HYCC2: variants seen among roughly 807,000 people sequenced by gnomAD.
The protein encoded by HYCC2 is hyccin PI4KA lipid kinase complex subunit 2, also known as hyccin 2.
the HYCC2 span, chr2:201,023,488 T>C: frequency 6.5e-6 from 1 of 154,046 alleles, no homozygotes; most frequent in South Asian, 2.0e-4. Context: ...AAATGGGCCA[T>C]CTTAAATTAA....
chr2:201,038,186 C>T, the HYCC2 span, among the ~76,000 whole-genome samples: 1 of 152,166 alleles, frequency 6.6e-6, no homozygotes, highest in South Asian at 2.1e-4. Context: ...ATCAAAACCA[C>T]AATGAGATAC....
At chr2:200,987,575 T>C in the HYCC2 span, 1 of 1,268,440 alleles carries the variant, frequency 7.9e-7, no homozygotes, top group Non-Finnish European at 1.0e-6. Flanking sequence ...TATGCTGCTC[T>C]ATTATTTTCT....
chr2:201,062,957 G>A, the HYCC2 span: 1 of 1,101,870 alleles, frequency 9.1e-7, no homozygotes, highest in Admixed American at 1.9e-5. Flanking sequence ...TACTACTGCT[G>A]CTGCTGCTGC....
At chr2:201,038,976 G>T in the HYCC2 span, among the ~76,000 whole-genome samples, 79 of 151,406 alleles carry the variant, frequency 5.2e-4, no homozygotes, top group Non-Finnish European at 9.4e-4. Context: ...GTCTTCCACA[G>T]AACCACATGC....
the HYCC2 span, among the ~76,000 whole-genome samples, chr2:201,045,875 C>A: frequency 6.5e-3 from 991 of 152,274 alleles, 8 homozygotes; most frequent in Non-Finnish European, 9.0e-3. Context: ...TGGAGCCTCA[C>A]TTGCATTATT....
the HYCC2 span, among the ~76,000 whole-genome samples, chr2:201,070,586 A>C: frequency 6.6e-6 from 1 of 152,046 alleles, no homozygotes; most frequent in Non-Finnish European, 1.5e-5. Flanking sequence ...CGGGAGGCGA[A>C]GGTTGCTGTG....
chr2:201,067,109 C>G, the HYCC2 span: 1 of 250,874 alleles, frequency 4.0e-6, no homozygotes, highest in South Asian at 5.5e-5. Flanking sequence ...CTGATCAGAC[C>G]TGATGAAGAG....
chr2:201,037,378 T>C, the HYCC2 span, among the ~76,000 whole-genome samples: 66 of 152,264 alleles, frequency 4.3e-4, no homozygotes, highest in African/African-American at 1.3e-3. Context: ...CTTCACAGAA[T>C]TGGAAAAAAC....
the HYCC2 span, among the ~76,000 whole-genome samples, chr2:201,036,866 A>G: frequency 1.3e-5 from 2 of 152,332 alleles, no homozygotes; most frequent in African/African-American, 4.8e-5. Context: ...CACCACTCCT[A>G]TTCAACATAG....
At chr2:200,988,444 T>C in the HYCC2 span, 30 of 1,570,604 alleles carry the variant, frequency 1.9e-5, no homozygotes, top group African/African-American at 3.7e-4. Flanking sequence ...TATAAGTCTA[T>C]ACAAGTTTAC....
the HYCC2 span, among the ~76,000 whole-genome samples, chr2:201,007,772 A>G: frequency 2.4e-3 from 363 of 152,294 alleles, 1 homozygote; most frequent in African/African-American, 8.0e-3. Context: ...ATCAGTCCAC[A>G]TGGAGGCTGA....
the HYCC2 span, among the ~76,000 whole-genome samples, chr2:201,038,258 G>A: frequency 6.6e-6 from 1 of 152,170 alleles, no homozygotes; most frequent in African/African-American, 2.4e-5. Context: ...TACTGGAGAG[G>A]ATGTGGAGAA....
chr2:201,061,549 C>T, the HYCC2 span: 1 of 151,718 alleles, frequency 6.6e-6, no homozygotes, highest in African/African-American at 2.4e-5. Flanking sequence ...GCATATTATA[C>T]AGACTTTTCT....
At chr2:201,008,010 G>A in the HYCC2 span, among the ~76,000 whole-genome samples, 1 of 152,104 alleles carries the variant, frequency 6.6e-6, no homozygotes, top group Non-Finnish European at 1.5e-5. Context: ...GTCTCTTTTG[G>A]CTGATTTTAA....
chr2:201,070,205 A>T, the HYCC2 span, among the ~76,000 whole-genome samples: 1 of 152,194 alleles, frequency 6.6e-6, no homozygotes, highest in Non-Finnish European at 1.5e-5. Context: ...GGAAACAATG[A>T]ATTATAAAAT....
the HYCC2 span, among the ~76,000 whole-genome samples, chr2:201,005,842 A>AT: frequency 3.3e-5 from 5 of 151,918 alleles, no homozygotes; most frequent in African/African-American, 9.7e-5. Flanking sequence ...TTATTTATTT[A>AT]TTTTTTCTGA....
chr2:201,019,627 C>T, the HYCC2 span, among the ~76,000 whole-genome samples: 2 of 151,928 alleles, frequency 1.3e-5, no homozygotes, highest in Non-Finnish European at 2.9e-5. Context: ...GTGGCACGCA[C>T]CTGGGTAGTC....
At chr2:200,979,869 A>T in the HYCC2 span, 2 of 152,666 alleles carry the variant, frequency 1.3e-5, no homozygotes, top group Non-Finnish European at 2.9e-5. Context: ...TTTTTTACCA[A>T]TAATGTTTTT....
At chr2:201,037,988 T>A in the HYCC2 span, among the ~76,000 whole-genome samples, 42,476 of 151,848 alleles carry the variant, frequency 0.28, 8,368 homozygotes, top group African/African-American at 0.56. Context: ...TTTGCAATCT[T>A]CCCATCTGAC....
Sources: gnomAD v4.1 joint callset for allele counts (sites outside exome capture counted in the v4.1 genomes callset) on GRCh38, gnomAD v4.1.1 for gene constraint, MANE v1.5 for transcripts, NCBI Gene and HGNC (gene_info 2026-07-23, HGNC 2026-07-21) for gene names.